Variants in CNPY3 observed in about 807,000 individuals in gnomAD.
The protein encoded by CNPY3 is canopy FGF signaling regulator 3.
CNPY3 carries 20 observed loss-of-function variants against 32.0 expected under a neutral mutation model. That is an observed-to-expected ratio of 0.63 (90% CI 0.44 to 0.91). The LOEUF (loss-of-function observed/expected upper bound fraction) is 0.91. Ranked by LOEUF, CNPY3 falls within the 40% of genes least tolerant of loss-of-function variation. The probability of loss-of-function intolerance (pLI) is 0.00; values close to 1 mark genes in which losing one functional copy is unlikely to be tolerated. For synonymous variants in CNPY3, 138 were observed against 142.9 expected, an observed-to-expected ratio of 0.97 and a Z score of 0.24; for missense variants, 299 against 340.8, an observed-to-expected ratio of 0.88 and a Z score of 0.97.
intron 2 of CNPY3, among the ~76,000 whole-genome samples, chr6:42,935,108 TC>T (rs1352954836): frequency 6.6e-6 from 1 of 152,144 alleles, no homozygotes; most frequent in African/African-American, 2.4e-5. Flanking sequence ...CCTGAGATGA[TC>T]CGCCTGCCTC....
Position 42,937,774 on chromosome 6 carries a change from G to T in CNPY3, c.430G>T (p.Val144Leu), listed in dbSNP as rs756941200. 38 of 1,614,142 alleles carry T rather than the reference G, an allele frequency of 2.4e-5. No homozygotes were observed. Among genetic ancestry groups the T allele is most frequent in the Non-Finnish European group, 3.2e-5 (38 of 1,179,984 alleles). ...CCTGGTACACAAAGGGGTCAAGGTG[G>T]TGATGGACATCCCCTATGAGCTGTG... ...HNLVHKGVKVVMDIPYELWNE... is the reference protein window; with the variant it reads ...HNLVHKGVKVLMDIPYELWNE... The change falls in exon 4 of 6, where the codon GTG becomes TTG. Residue 144 changes from valine to leucine, a missense_variant. By Grantham distance (32) the Val-to-Leu change is conservative. Around this residue, in one of 2 missense-constraint regions of CNPY3, gnomAD observed 211 missense variants for 278.3 expected, o/e 0.76. Coordinates refer to ENST00000372836, the MANE Select transcript of CNPY3 (RefSeq NM_006586.5).
At chr6:42,935,541 G>T (rs1768156280) in intron 2 of CNPY3, 33 bp from the exon 3 acceptor site, 2 of 1,594,160 alleles carry the variant, frequency 1.3e-6, no homozygotes, top group African/African-American at 2.7e-5. Flanking sequence ...GGCTAGGAGG[G>T]GAACTCAGTT....
In CNPY3 at chr6:42,937,848, C is replaced by A. The variant is rs1165838183; in HGVS notation, c.495+9C>A. 2 of 1,613,980 alleles carry A rather than the reference C, an allele frequency of 1.2e-6. No individual in the cohort carries two copies. The highest frequency in any genetic ancestry group is 2.2e-5 in the South Asian group (2 of 91,062). ...CTGACCTCAAGAAGCAGGTACAGGCCCTTCAGCCCTTGGAAGGGTTGCTGT... is the reference window on the plus strand; with the variant it reads ...CTGACCTCAAGAAGCAGGTACAGGCACTTCAGCCCTTGGAAGGGTTGCTGT... On this transcript the variant is annotated intron_variant, in intron 4 of 5. Transcript: ENST00000372836.
At chr6:42,938,274 G>C in intron 5 of CNPY3, 67 bp downstream of exon 5, 1 of 1,244,508 alleles carries the variant, frequency 8.0e-7, no homozygotes, top group South Asian at 1.2e-5. Context: ...GGGGGAGGTG[G>C]GTAGGAGGAG....
At chr6:42,928,285 C>T (rs746727751), upstream of CNPY3, among the ~76,000 whole-genome samples, 5 of 151,878 alleles carry the variant, frequency 3.3e-5, no homozygotes, top group Non-Finnish European at 7.4e-5. Context: ...CCAAGCCCGG[C>T]CTCCTCTTTA....
upstream of CNPY3, among the ~76,000 whole-genome samples, chr6:42,928,045 T>C (rs1767511664): frequency 6.7e-6 from 1 of 148,774 alleles, no homozygotes. Context: ...TGGAGTGCAA[T>C]GGCGTGATCT....
rs1385569587 is a variant in CNPY3 at position 42,938,906 on chromosome 6, G to A, written c.*115G>A. 4.9e-6 allele frequency: 7 copies of A among 1,438,660 alleles called. No homozygotes were observed. Among genetic ancestry groups the A allele is most frequent in the Middle Eastern group, 2.2e-4 (1 of 4,460 alleles). 89.1% of individuals were successfully genotyped at this position (1,438,660 alleles called of 1,614,324 possible). ...CCTTCAGCCCCTCCTTGCCTTGGCT[G>A]TGCCCTCTTCTGCCAAGGAAAGACA... On this transcript the variant is annotated 3_prime_UTR_variant, in exon 6 of 6. Coordinates refer to ENST00000372836, the MANE Select transcript of CNPY3 (RefSeq NM_006586.5).
Position 42,935,831 on chromosome 6 carries a change from G to A in CNPY3, c.372+161G>A, listed in dbSNP as rs557048971. Among the ~76,000 whole-genome samples, 3 of 152,172 alleles carry A rather than the reference G, an allele frequency of 2.0e-5. No homozygotes were observed. In the East Asian group the frequency reaches 5.8e-4, roughly 29 times the overall value. ...CGTTTGTGCTCCTCCCCTCTTGAGT[G>A]GCCTCATTTTTCAGGCACATGCATG... On this transcript the variant is annotated intron_variant, in intron 3 of 5. Transcript: ENST00000372836.
chr6:42,929,731 C>CG lies in CNPY3; in HGVS notation c.151+14dup, dbSNP rs1457172845. ...CCCAGCAAATGCGAAGGTGAGGAGG[C>CG]GGGGCCCGTGGGGCGTATCCTGCCG... On this transcript the variant is annotated intron_variant, in intron 1 of 5. Coordinates refer to ENST00000372836, the MANE Select transcript of CNPY3 (RefSeq NM_006586.5). 1 of 1,541,974 alleles carries CG rather than the reference C, an allele frequency of 6.5e-7. No individual in the cohort carries two copies. The highest frequency in any genetic ancestry group is 2.5e-5 in the East Asian group (1 of 40,750).
At chr6:42,929,003 A>G (rs973975411), upstream of CNPY3, among the ~76,000 whole-genome samples, 8 of 152,162 alleles carry the variant, frequency 5.3e-5, no homozygotes, top group Non-Finnish European at 8.8e-5. Flanking sequence ...TTGCACCTTA[A>G]GCGCCTACAA....
rs1461732893 is a variant in CNPY3, at chr6:42,929,728, A to C, written c.151+7A>C. The C allele has an allele frequency of 1.3e-6, 2 of 1,543,074 alleles. No homozygotes were observed. The highest frequency in any genetic ancestry group is 2.4e-5 in the South Asian group (2 of 83,782). On this transcript the variant is annotated splice_region_variant and intron_variant, in intron 1 of 5. Coordinates refer to ENST00000372836, the MANE Select transcript of CNPY3 (RefSeq NM_006586.5). ...CTGCCCAGCAAATGCGAAGGTGAGGAGGCGGGGCCCGTGGGGCGTATCCTG... is the reference window on the plus strand; with the variant it reads ...CTGCCCAGCAAATGCGAAGGTGAGGCGGCGGGGCCCGTGGGGCGTATCCTG...
At chr6:42,928,644 T>C, upstream of CNPY3, among the ~76,000 whole-genome samples, 1 of 152,192 alleles carries the variant, frequency 6.6e-6, no homozygotes, top group East Asian at 1.9e-4. Context: ...CACCCTGTTG[T>C]TGCTGGGGAA....
At chr6:42,936,694 C>T (rs1436138415) in intron 3 of CNPY3, among the ~76,000 whole-genome samples, 1 of 152,164 alleles carries the variant, frequency 6.6e-6, no homozygotes, top group Non-Finnish European at 1.5e-5. Context: ...GACCACCACG[C>T]CCGACTAATT....
intron 2 of CNPY3, 118 bp from the exon 3 acceptor site, chr6:42,935,456 C>CT (rs1438795629): frequency 2.1e-5 from 29 of 1,403,300 alleles, no homozygotes; most frequent in Non-Finnish European, 2.5e-5. Context: ...CCTTCCAGCT[C>CT]TGAGTCACTT....
In CNPY3 at chr6:42,938,729, G is replaced by A. The variant is rs146664776; in HGVS notation, c.775G>A (p.Glu259Lys). 3.0e-5 allele frequency: 49 copies of A among 1,613,892 alleles called. No homozygotes were observed. The highest frequency in any genetic ancestry group is 4.4e-5 in the South Asian group (4 of 91,042). Residue 259 changes from glutamate to lysine, a missense_variant, in exon 6 of 6, where the codon GAG becomes AAG. Around this residue, in one of 2 missense-constraint regions of CNPY3, gnomAD observed 211 missense variants for 278.3 expected, o/e 0.76. Coordinates refer to ENST00000372836, the MANE Select transcript of CNPY3 (RefSeq NM_006586.5). ...LGGLEGDPSP[E>K]EDEGIQKASP... is the part of the protein sequence containing the mutation. ...TGGCCTTGAGGGAGACCCCAGCCCC[G>A]AGGAGGATGAGGGCATCCAGAAGGC...
chr6:42,937,615 T>C lies in CNPY3; in HGVS notation c.373-102T>C, dbSNP rs565418772. ...AAAGGATGAGGATCCTTAGAGGGCG[T>C]TGAGCATTGGTCTTATAGCTGGGTT... On this transcript the variant is annotated intron_variant, in intron 3 of 5. Coordinates refer to ENST00000372836, the MANE Select transcript of CNPY3 (RefSeq NM_006586.5). 21 of 1,237,282 alleles carry C rather than the reference T, an allele frequency of 1.7e-5. No individual in the cohort carries two copies. In the Admixed American group the frequency reaches 3.0e-4, roughly 18 times the overall value. 76.6% of individuals were successfully genotyped at this position (1,237,282 alleles called of 1,614,324 possible). A position where few individuals can be genotyped will look rare whatever the true frequency, so the allele number is the denominator to read the frequency against.
intron 2 of CNPY3, chr6:42,935,262 G>A: frequency 4.2e-6 from 1 of 240,656 alleles, no homozygotes; most frequent in Non-Finnish European, 6.7e-6. Context: ...TCTGTCAGCT[G>A]TGATCATCCT....
Position 42,938,860 on chromosome 6 carries a change from C to A in CNPY3, c.*69C>A. ...TGAGGAGTCAGGGGCATGGCTCTGG[C>A]AGGCCGGGATGGCCCCGCAGCCTTC... On this transcript the variant is annotated 3_prime_UTR_variant, in exon 6 of 6. Transcript: ENST00000372836. The A allele has an allele frequency of 6.7e-7, 1 of 1,481,638 alleles. No individual in the cohort carries two copies. The highest frequency in any genetic ancestry group is 2.3e-5 in the Admixed American group (1 of 43,346). 91.8% of individuals were successfully genotyped at this position (1,481,638 alleles called of 1,614,324 possible).
At chr6:42,930,002 G>T (rs1239759967) in intron 1 of CNPY3, among the ~76,000 whole-genome samples, 1 of 151,764 alleles carries the variant, frequency 6.6e-6, no homozygotes, top group Non-Finnish European at 1.5e-5. Flanking sequence ...GGAGCATCTG[G>T]TCTAGCCTGG....
Sources: allele counts gnomAD v4.1 joint callset (sites outside exome capture counted in the v4.1 genomes callset), GRCh38; gene constraint gnomAD v4.1.1; regional missense constraint gnomAD v4.1.1; transcripts MANE v1.5; gene names NCBI Gene and HGNC (gene_info 2026-07-23, HGNC 2026-07-21).